The following PCDHGA4 variants were observed in gnomAD, a reference collection of about 807,000 sequenced individuals.
The protein encoded by PCDHGA4 is protocadherin gamma-A4.
A neutral mutation model predicts 54.6 loss-of-function variants in PCDHGA4; 38 were observed. The observed-to-expected ratio is 0.70, with a 90% CI of 0.54 to 0.91. The LOEUF is 0.91. Among genes scored for constraint, PCDHGA4 ranks in the 40% least tolerant of loss-of-function variants. The pLI, the probability that PCDHGA4 is intolerant of heterozygous loss-of-function variation, is 0.00. For missense variants in PCDHGA4, 1,298 were observed against 1,220.9 expected (o/e 1.06, Z -0.94); for synonymous variants, 511 against 512.9 (o/e 1.00, Z 0.05).
At chr5:141,370,057 C>G (rs180898728) in intron 1 of PCDHGA4, among the ~76,000 whole-genome samples, 1 of 152,268 alleles carries the variant, frequency 6.6e-6, no homozygotes, top group East Asian at 1.9e-4. Flanking sequence ...TTTAAAAGTC[C>G]TTTTAAAATG....
intron 1 of PCDHGA4, chr5:141,372,722 A>C: frequency 6.2e-7 from 1 of 1,613,930 alleles, no homozygotes; most frequent in Non-Finnish European, 8.5e-7. Context: ...AAAATGCTGC[A>C]CCACAAGATC....
At chr5:141,374,076 A>AGCCAGTAATGGCGCCTCCGCAGAGGC (rs1770087883) in intron 1 of PCDHGA4, 1 of 1,514,538 alleles carries the variant, frequency 6.6e-7, no homozygotes, top group Non-Finnish European at 8.8e-7. Flanking sequence ...GTTCCTAATA[A>AGCCAGTAATGGCGCCTCCGCAGAGGC]GCCAGTAATG....
At position 141,489,590 on chromosome 5, in the gene PCDHGA4, T is replaced by C; in HGVS notation, c.2515-5217T>C. The C allele has an allele frequency of 6.2e-7, 1 of 1,614,044 alleles. No homozygotes were observed. Among genetic ancestry groups the C allele is most frequent in the Non-Finnish European group, 8.5e-7 (1 of 1,179,984 alleles). ...GTGACTGAACACCCCCTGGAGCTAA[T>C]CCGTGTAGAGGTAGAGATCCTGGAT... On this transcript the variant is annotated intron_variant, in intron 1 of 3. Transcript: ENST00000571252. The surrounding 1 kb of genome is among the most constrained non-coding windows in gnomAD (Gnocchi z 4.5).
At chr5:141,483,425 G>A (rs1460083757) in intron 1 of PCDHGA4, among the ~76,000 whole-genome samples, 1 of 152,116 alleles carries the variant, frequency 6.6e-6, no homozygotes, top group Non-Finnish European at 1.5e-5. Flanking sequence ...ACAGATGGAG[G>A]GAGCTGACTA....
At chr5:141,375,150 T>C in intron 1 of PCDHGA4, 3 of 1,613,946 alleles carry the variant, frequency 1.9e-6, no homozygotes, top group Non-Finnish European at 2.5e-6. Flanking sequence ...AGCAGAACAA[T>C]TGCTGAAAGT....
intron 1 of PCDHGA4, chr5:141,414,689 T>G (rs1256681548): frequency 1.2e-6 from 2 of 1,614,070 alleles, no homozygotes; most frequent in Non-Finnish European, 8.5e-7. Context: ...GGGGTACCTC[T>G]GTCCTCATAC....
At chr5:141,407,286 T>A (rs1409712341) in intron 1 of PCDHGA4, among the ~76,000 whole-genome samples, 1 of 152,234 alleles carries the variant, frequency 6.6e-6, no homozygotes, top group Non-Finnish European at 1.5e-5. Flanking sequence ...TTGTTACAAT[T>A]TCTGTTCTGA....
intron 1 of PCDHGA4, 41 bp from the exon 2 acceptor site, chr5:141,494,766 C>T (rs1017994327): frequency 6.2e-7 from 1 of 1,614,038 alleles, no homozygotes; most frequent in Non-Finnish European, 8.5e-7. Flanking sequence ...ATTCTAACTT[C>T]TCACGGGTAC....
At chr5:141,383,939 T>C (rs1272507661) in intron 1 of PCDHGA4, 1 of 1,613,738 alleles carries the variant, frequency 6.2e-7, no homozygotes, top group African/African-American at 1.3e-5. Context: ...GCTCCAGAAG[T>C]GACTATGACG....
At chr5:141,484,392 T>G (rs1454201773) in intron 1 of PCDHGA4, among the ~76,000 whole-genome samples, 1 of 152,162 alleles carries the variant, frequency 6.6e-6, no homozygotes, top group African/African-American at 2.4e-5. Flanking sequence ...TAAGAAAGGT[T>G]TGGTTTCCGC....
At chr5:141,422,345 A>G in intron 1 of PCDHGA4, 1 of 1,551,648 alleles carries the variant, frequency 6.4e-7, no homozygotes, top group South Asian at 1.3e-5. Context: ...CTAAATGTGC[A>G]AGATCAAGAT....
Position 141,389,941 on chromosome 5 carries a change from T to C in PCDHGA4, c.2514+32320T>C, listed in dbSNP as rs772172943. 2.5e-6 allele frequency: 4 copies of C among 1,613,952 alleles called. No homozygotes were observed. In the African/African-American group the frequency reaches 5.3e-5, roughly 22 times the overall value. On this transcript the variant is annotated intron_variant, in intron 1 of 3. Coordinates refer to ENST00000571252, the MANE Select transcript of PCDHGA4 (RefSeq NM_018917.4). ...GACCCCTCTGACCTCCAGGCTGAGC[T>C]GCAGTTTTACCTAGTGGTGGCCTTG...
chr5:141,465,627 A>C lies in PCDHGA4; in HGVS notation c.2515-29180A>C, dbSNP rs370355596. 1.1e-4 allele frequency among the ~76,000 whole-genome samples: 17 copies of C among 152,326 alleles called. 1 individual carries two copies. The South Asian group carries it at 3.3e-3, about 30-fold the overall frequency. On this transcript the variant is annotated intron_variant, in intron 1 of 3. Coordinates refer to ENST00000571252, the MANE Select transcript of PCDHGA4 (RefSeq NM_018917.4). ...TCTTTGGCCCTCCAGGAAGTCAACCAGCAAAATGCTTTGAACATCCCAAAA... is the reference window on the plus strand; with the variant it reads ...TCTTTGGCCCTCCAGGAAGTCAACCCGCAAAATGCTTTGAACATCCCAAAA...
intron 1 of PCDHGA4, chr5:141,426,713 AC>A: frequency 2.2e-6 from 1 of 445,196 alleles, no homozygotes; most frequent in Middle Eastern, 3.3e-4. Flanking sequence ...AAATCAATGA[AC>A]TAGCAATTCC....
chr5:141,374,708 C>G, intron 1 of PCDHGA4: 2 of 1,609,146 alleles, frequency 1.2e-6, no homozygotes, highest in East Asian at 2.2e-5. Flanking sequence ...AGCCGTTTAC[C>G]GCCTGGTCCT....
At chr5:141,454,871 G>A (rs1337911223) in intron 1 of PCDHGA4, among the ~76,000 whole-genome samples, 2 of 129,030 alleles carry the variant, frequency 1.6e-5, no homozygotes, top group Non-Finnish European at 3.1e-5. Context: ...GCAGTGGCAC[G>A]ATCTTGGCTC....
At chr5:141,394,696 C>G (rs1006890229) in intron 1 of PCDHGA4, 1 of 1,612,928 alleles carries the variant, frequency 6.2e-7, no homozygotes, top group African/African-American at 1.3e-5. Context: ...GAGGTGCGCA[C>G]GGCGCGAGCC....
chr5:141,468,790 C>T (rs1215557602), intron 1 of PCDHGA4, among the ~76,000 whole-genome samples: 10 of 151,564 alleles, frequency 6.6e-5, no homozygotes, highest in African/African-American at 2.2e-4. Context: ...GGCGTGAACC[C>T]GGGAGGCGGA....
intron 1 of PCDHGA4, chr5:141,400,255 C>T: frequency 6.2e-7 from 1 of 1,614,046 alleles, no homozygotes; most frequent in Non-Finnish European, 8.5e-7. Flanking sequence ...CGTTGCCTTG[C>T]GCCTGCGACG....
Sources: allele counts gnomAD v4.1 joint callset (sites outside exome capture counted in the v4.1 genomes callset), GRCh38; gene constraint gnomAD v4.1.1; non-coding constraint Gnocchi (gnomAD v3.1); transcripts MANE v1.5; gene names NCBI Gene and HGNC (gene_info 2026-07-23, HGNC 2026-07-21).